HEXD: variants seen among roughly 807,000 people sequenced by gnomAD.
The protein encoded by HEXD is N-acetyl-beta-galactosaminidase.
Under a neutral mutation model 54.2 loss-of-function variants are expected in HEXD, and 47 were observed. The ratio of observed to expected loss-of-function variants is 0.87; its 90% CI spans 0.69 to 1.11. The LOEUF is 1.11. Ranked by LOEUF, HEXD falls within the 50% of genes least tolerant of loss-of-function variation. HEXD has a pLI of 0.00. For missense variants in HEXD, 576 were observed against 649.2 expected (o/e 0.89, Z 1.23); for synonymous variants, 293 against 287.6 (o/e 1.02, Z -0.19).
chr17:82,418,762 G>C (rs2053141915), intron 1 of HEXD, 22 bp downstream of exon 1: 1 of 153,144 alleles, frequency 6.5e-6, no homozygotes, highest in Non-Finnish European at 1.5e-5. Context: ...GTGCGGCTCT[G>C]GCTCTGCGCG....
At chr17:82,433,615 C>A in intron 4 of HEXD, 43 bp from the exon 5 acceptor site, 1 of 1,497,776 alleles carries the variant, frequency 6.7e-7, no homozygotes, top group South Asian at 1.4e-5. Flanking sequence ...GAGATCAGTC[C>A]AGCTCCTCCG....
At position 82,433,123 on chromosome 17, in the gene HEXD, TA is replaced by T. The variant is rs1475678905; in HGVS notation, c.283-534del. 9.8e-3 allele frequency among the ~76,000 whole-genome samples: 158 copies of T among 16,156 alleles called. 3 individuals carry two copies. The highest frequency in any genetic ancestry group is 0.012 in the Non-Finnish European group (136 of 11,686). 10.6% of individuals were successfully genotyped at this position (16,156 alleles called of 152,430 possible). ...ATATATATATATATATATATATATA[TA>T]TATATTTTTTTTTTTTTTTTATATA... On this transcript the variant is annotated intron_variant, in intron 4 of 12. Coordinates refer to ENST00000327949, the MANE Select transcript of HEXD (RefSeq NM_001330542.2).
Position 82,435,684 on chromosome 17 carries a change from T to C in HEXD, c.448-5T>C. On this transcript the variant is annotated splice_region_variant and splice_polypyrimidine_tract_variant and intron_variant, in intron 5 of 12. Coordinates refer to ENST00000327949, the MANE Select transcript of HEXD (RefSeq NM_001330542.2). ...AGGCAACCCCGTCCTGCTCCTTCCTTGCAGGTCTATTACCTCGGAGAGGGG... is the reference window on the plus strand; with the variant it reads ...AGGCAACCCCGTCCTGCTCCTTCCTCGCAGGTCTATTACCTCGGAGAGGGG... 1 of 1,607,974 alleles carries C rather than the reference T, an allele frequency of 6.2e-7. No homozygotes were observed. Among genetic ancestry groups the C allele is most frequent in the South Asian group, 1.1e-5 (1 of 90,910 alleles).
intron 4 of HEXD, among the ~76,000 whole-genome samples, chr17:82,430,181 T>C (rs2053536770): frequency 1.3e-5 from 2 of 152,100 alleles, no homozygotes; most frequent in South Asian, 4.1e-4. Context: ...CCACAGCAAG[T>C]CACAGCACAG....
chr17:82,423,812 CAAA>C (rs570299369), intron 2 of HEXD, among the ~76,000 whole-genome samples: 7 of 91,190 alleles, frequency 7.7e-5, no homozygotes, highest in Admixed American at 2.5e-4. Context: ...GACTCCATCT[CAAA>C]AAAAAAAAAA....
intron 2 of HEXD, among the ~76,000 whole-genome samples, chr17:82,420,636 C>T (rs1029698797): frequency 2.0e-5 from 3 of 152,314 alleles, no homozygotes; most frequent in East Asian, 1.9e-4. Context: ...GGCGCAGTCT[C>T]GGCTTACTGC....
rs1303373913 is a variant in HEXD, at chr17:82,441,223, C to G, written c.1120C>G (p.Leu374Val). The change falls in exon 11 of 13, where the codon CTC (leucine) becomes GTC (valine). Residue 374 changes from leucine (L) to valine (V), a missense_variant. Leu to Val is a conservative substitution (Grantham distance 32, BLOSUM62 1). Transcript: ENST00000327949. ...NILALVTQVSLHLRSSVDALL... is the reference protein window; with the variant it reads ...NILALVTQVSVHLRSSVDALL... Reference sequence around the variant, plus strand: ...CCTTGCCCTTGTCACACAAGTCAGCCTCCATCTGCGCAGCTCTGTGGATGC... The same window carrying G: ...CCTTGCCCTTGTCACACAAGTCAGCGTCCATCTGCGCAGCTCTGTGGATGC... The G allele has an allele frequency of 2.1e-5, 34 of 1,612,958 alleles. No individual in the cohort carries two copies. Among genetic ancestry groups the G allele is most frequent in the Non-Finnish European group, 2.6e-5 (31 of 1,179,984 alleles).
intron 4 of HEXD, among the ~76,000 whole-genome samples, chr17:82,433,126 ATATTT>A (rs1567890673): frequency 1.5e-4 from 2 of 13,552 alleles, no homozygotes; most frequent in Non-Finnish European, 2.1e-4. Context: ...ATATATATAT[ATATTT>A]TTTTTTTTTT....
Position 82,435,713 on chromosome 17 carries a change from G to T in HEXD, c.472G>T (p.Ala158Ser). 2 of 1,612,602 alleles carry T rather than the reference G, an allele frequency of 1.2e-6. No homozygotes were observed. Among genetic ancestry groups the T allele is most frequent in the Non-Finnish European group, 1.7e-6 (2 of 1,179,600 alleles). Residue 158 changes from alanine to serine, a missense_variant, in exon 6 of 13, where the codon GCC becomes TCC. Physicochemically the swap from Ala to Ser is moderately conservative, Grantham distance 99. Transcript: ENST00000327949. ...GGTCTATTACCTCGGAGAGGGGGAG[G>T]CCTCGCGCCGGTGGCTACAGCAAGA... ...DEVYYLGEGEASRRWLQQEQN... is the reference protein window; with the variant it reads ...DEVYYLGEGESSRRWLQQEQN...
chr17:82,424,391 C>T lies in HEXD; in HGVS notation c.85-3C>T, dbSNP rs1473968048. 6 of 1,610,180 alleles carry T rather than the reference C, an allele frequency of 3.7e-6. No homozygotes were observed. In the East Asian group the frequency reaches 6.7e-5, roughly 18 times the overall value. On this transcript the variant is annotated splice_region_variant and splice_polypyrimidine_tract_variant and intron_variant, in intron 2 of 12. Coordinates refer to ENST00000327949, the MANE Select transcript of HEXD (RefSeq NM_001330542.2). ...TCCTAACCCCTCCCTGTTTACCCCC[C>T]AGATTTTTCCTCTGTTCCGTGCGCT...
At chr17:82,420,080 A>AG (rs2053186195) in intron 2 of HEXD, 197 bp downstream of exon 2, 3 of 377,996 alleles carry the variant, frequency 7.9e-6, no homozygotes, top group South Asian at 9.8e-5. Context: ...GGATGACAAA[A>AG]GGGAAAAAAA....
chr17:82,420,799 C>G (rs1295623916), intron 2 of HEXD, among the ~76,000 whole-genome samples: 1 of 152,164 alleles, frequency 6.6e-6, no homozygotes, highest in African/African-American at 2.4e-5. Context: ...AACTGCTGAC[C>G]TCGTGATCCA....
chr17:82,419,890 A>G lies in HEXD; in HGVS notation c.84+7A>G. ...GGTCTCGTACCTCTCAGAGGTAAGGACTCCCTTTTACCTCTAGAGCATTAC... is the reference window on the plus strand; with the variant it reads ...GGTCTCGTACCTCTCAGAGGTAAGGGCTCCCTTTTACCTCTAGAGCATTAC... On this transcript the variant is annotated splice_region_variant and intron_variant, in intron 2 of 12. Coordinates refer to ENST00000327949, the MANE Select transcript of HEXD (RefSeq NM_001330542.2). 6.5e-7 allele frequency: 1 copy of G among 1,548,960 alleles called. No homozygotes were observed. The highest frequency in any genetic ancestry group is 8.9e-7 in the Non-Finnish European group (1 of 1,121,988).
At position 82,436,675 on chromosome 17, in the gene HEXD, G is replaced by A; in HGVS notation, c.640G>A (p.Val214Met). 3 of 1,610,854 alleles carry A rather than the reference G, an allele frequency of 1.9e-6. No homozygotes were observed. The highest frequency in any genetic ancestry group is 1.7e-6 in the Non-Finnish European group (2 of 1,179,320). The change falls in exon 7 of 13, where the codon GTG (valine) becomes ATG (methionine). Residue 214 changes from valine to methionine, a missense_variant. Coordinates refer to ENST00000327949, the MANE Select transcript of HEXD (RefSeq NM_001330542.2). ...LPEDQLAASG[V>M]PQLVEPVLWD... ...GTCCGCTCTGTCTGCAGCGTCCGGG[G>A]TGCCGCAGCTGGTGGAGCCGGTGCT... is the stretch of plus-strand genomic sequence containing the variant.
chr17:82,442,363 GGACGTT>G lies in HEXD; in HGVS notation c.1442_1447del (p.Asp481_Val482del). 1.2e-6 allele frequency: 2 copies of G among 1,611,032 alleles called. No homozygotes were observed. The highest frequency in any genetic ancestry group is 1.7e-6 in the Non-Finnish European group (2 of 1,178,920). On this transcript the variant is annotated inframe_deletion, in exon 13 of 13. Transcript: ENST00000327949. The surrounding 1 kb of genome is among the most constrained non-coding windows in gnomAD (Gnocchi z 6.8). ...CGCTGCCACCCACCAGCCCTGGCAG[GGACGTT>G]GCTCAGGACCCCTGAGGGGAGAGCT...
At position 82,429,857 on chromosome 17, in the gene HEXD, G is replaced by A. The variant is rs188441384; in HGVS notation, c.282+1212G>A. Reference sequence around the variant, plus strand: ...CTGCTTTCTCTTTGTCCTCCTCTTCGTCTTCCTCTTCCTCTTCTGTCTGCA... The same window carrying A: ...CTGCTTTCTCTTTGTCCTCCTCTTCATCTTCCTCTTCCTCTTCTGTCTGCA... On this transcript the variant is annotated intron_variant, in intron 4 of 12. Transcript: ENST00000327949. 5.3e-5 allele frequency among the ~76,000 whole-genome samples: 8 copies of A among 151,962 alleles called. 1 individual carries two copies. In the East Asian group the frequency reaches 1.2e-3, roughly 22 times the overall value.
chr17:82,428,530 C>A, intron 3 of HEXD, 28 bp from the exon 4 acceptor site: 1 of 1,601,900 alleles, frequency 6.2e-7, no homozygotes, highest in Non-Finnish European at 8.6e-7. Context: ...CTCACATGAC[C>A]CTCTCTCTAT....
chr17:82,440,101 G>C, intron 9 of HEXD: 1 of 1,298,516 alleles, frequency 7.7e-7, no homozygotes, highest in South Asian at 1.2e-5. Context: ...CCTGGACCCA[G>C]CACTCACACT....
Position 82,424,436 on chromosome 17 carries a change from A to G in HEXD, c.127A>G (p.Ile43Val), listed in dbSNP as rs777649626. The G allele has an allele frequency of 6.2e-7, 1 of 1,613,894 alleles. No individual in the cohort carries two copies. Among genetic ancestry groups the G allele is most frequent in the Non-Finnish European group, 8.5e-7 (1 of 1,179,898 alleles). Residue 43 changes from isoleucine to valine, a missense_variant, in exon 3 of 13, where the codon ATT becomes GTT. By Grantham distance (29) the Ile-to-Val change is conservative. Transcript: ENST00000327949. ...TGCGCTAGGTGCAAACGGCCTCCTC[A>G]TTGAGTATGAAGACATGTTTCCCTA... Reference protein sequence around the residue: ...FRALGANGLLIEYEDMFPYEG... With the variant: ...FRALGANGLLVEYEDMFPYEG...
Sources: gnomAD v4.1 joint callset for allele counts (sites outside exome capture counted in the v4.1 genomes callset) on GRCh38, gnomAD v4.1.1 for gene constraint, Gnocchi (gnomAD v3.1) non-coding constraint, MANE v1.5 for transcripts, NCBI Gene and HGNC (gene_info 2026-07-23, HGNC 2026-07-21) for gene names.